Variants in COL4A4 observed in about 807,000 individuals in gnomAD.
The protein encoded by COL4A4 is collagen type IV alpha 4 chain, also known as collagen alpha-4(IV) chain.
A neutral mutation model predicts 192.9 loss-of-function variants in COL4A4; 105 were observed. The ratio of observed to expected loss-of-function variants is 0.54; its 90% CI spans 0.46 to 0.64. COL4A4 has a LOEUF of 0.64. Ranked by LOEUF, COL4A4 falls within the 30% of genes least tolerant of loss-of-function variation. The pLI is 0.00. For missense variants in COL4A4, 1,967 were observed against 2,169.3 expected (o/e 0.91, Z 1.85); for synonymous variants, 762 against 769.9 (o/e 0.99, Z 0.17).
chr2:227,153,904 G>A (rs535309617), intron 1 of COL4A4, among the ~76,000 whole-genome samples: 6 of 152,126 alleles, frequency 3.9e-5, no homozygotes, highest in African/African-American at 7.2e-5. Flanking sequence ...AAAGTCTTAC[G>A]TCAATTTACT....
intron 35 of COL4A4, 21 bp downstream of exon 35, chr2:227,047,454 A>G (rs528115848): frequency 1.3e-4 from 215 of 1,594,516 alleles, no homozygotes; most frequent in Non-Finnish European, 1.7e-4. Context: ...TTGTTTTAGT[A>G]AGAAAAATAT....
chr2:227,042,677 T>C (rs1971691733), intron 36 of COL4A4, among the ~76,000 whole-genome samples: 1 of 152,186 alleles, frequency 6.6e-6, no homozygotes, highest in African/African-American at 2.4e-5. Flanking sequence ...TCCCGGCACT[T>C]TGGGAGGCTG....
the COL4A4 span, among the ~76,000 whole-genome samples, chr2:226,992,608 T>TA: frequency 6.6e-6 from 1 of 152,206 alleles, no homozygotes; most frequent in Non-Finnish European, 1.5e-5. Context: ...ACTTTAGAGT[T>TA]ACGTCTTTGA....
At position 227,078,061 on chromosome 2, in the gene COL4A4, G is replaced by C. The variant is rs373916569; in HGVS notation, c.1820C>G (p.Ala607Gly). 1.2e-6 allele frequency: 2 copies of C among 1,613,748 alleles called. No individual in the cohort carries two copies. Among genetic ancestry groups the C allele is most frequent in the South Asian group, 1.1e-5 (1 of 91,032 alleles). ...DPGPPGDHED[A>G]TPGGKGFPGP... Reference sequence around the variant, plus strand: ...AGGAAATCCTTTACCACCTGGGGTCGCATCTTCATGATCCCCCTGGGAATG... The same window carrying C: ...AGGAAATCCTTTACCACCTGGGGTCCCATCTTCATGATCCCCCTGGGAATG... Residue 607 changes from alanine (A) to glycine (G), a missense_variant, in exon 25 of 48, where the codon GCG becomes GGG. Transcript: ENST00000396625.
In COL4A4 at chr2:227,091,918, G is replaced by A. The variant is rs957163875; in HGVS notation, c.1370-1961C>T. Among the ~76,000 whole-genome samples the A allele has an allele frequency of 7.0e-5, 10 of 143,094 alleles. No homozygotes were observed. The South Asian group carries it at 2.1e-3, about 31-fold the overall frequency. 93.9% of individuals were successfully genotyped at this position (143,094 alleles called of 152,430 possible). ...CAGGAAGAAAAAAGAAAGAAAGAAAGAAAGAAAGAAAAGAAAAGAAAAGAA... is the reference window on the plus strand; with the variant it reads ...CAGGAAGAAAAAAGAAAGAAAGAAAAAAAGAAAGAAAAGAAAAGAAAAGAA... On this transcript the variant is annotated intron_variant, in intron 20 of 47. Transcript: ENST00000396625.
intron 24 of COL4A4, among the ~76,000 whole-genome samples, chr2:227,079,209 G>C (rs530219066): frequency 1.3e-5 from 2 of 152,264 alleles, no homozygotes; most frequent in African/African-American, 4.8e-5. Context: ...CCTTCTACAT[G>C]GCCTGGTCTC....
the COL4A4 span, among the ~76,000 whole-genome samples, chr2:226,986,451 T>A: frequency 6.6e-6 from 1 of 152,090 alleles, no homozygotes; most frequent in African/African-American, 2.4e-5. Context: ...AATTTAAAAT[T>A]ATTCCAAAAT....
At position 227,003,647 on chromosome 2, in the gene COL4A4, C is replaced by T. The variant is rs1176685868; in HGVS notation, c.*3678G>A. On this transcript the variant is annotated 3_prime_UTR_variant, in exon 48 of 48. Transcript: ENST00000396625. Reference sequence around the variant, plus strand: ...TAAAGCCCAATTGTAGTGCACCATTCCATTGACTATTTTTCGGAGCACCAA... The same window carrying T: ...TAAAGCCCAATTGTAGTGCACCATTTCATTGACTATTTTTCGGAGCACCAA... 1 of 152,154 alleles carries T rather than the reference C, an allele frequency of 6.6e-6. No homozygotes were observed. Among genetic ancestry groups the T allele is most frequent in the Non-Finnish European group, 1.5e-5 (1 of 68,040 alleles). The allele number at this position is 152,154 out of a possible 1,614,324, so 9.4% of individuals were successfully genotyped here. A position where few individuals can be genotyped will look rare whatever the true frequency, so the allele number is the denominator to read the frequency against.
At position 227,115,269 on chromosome 2, in the gene COL4A4, C is replaced by CTTT. The variant is rs1187419564; in HGVS notation, c.490-576_490-574dup. On this transcript the variant is annotated intron_variant, in intron 7 of 47. Transcript: ENST00000396625. Reference sequence around the variant, plus strand: ...AATATCTTAATATCCTACTTTAATTCTTTTTTTTTTTTTTTTTTTGAGACA... The same window carrying CTTT: ...AATATCTTAATATCCTACTTTAATTCTTTTTTTTTTTTTTTTTTTTTTGAGACA... Among the ~76,000 whole-genome samples the CTTT allele has an allele frequency of 8.3e-3, 1,027 of 123,926 alleles. 49 individuals carry two copies. Among genetic ancestry groups the CTTT allele is most frequent in the African/African-American group, 0.031 (962 of 30,902 alleles). The allele number at this position is 123,926 out of a possible 152,430, so 81.3% of individuals were successfully genotyped here.
the COL4A4 span, chr2:226,995,688 A>C: frequency 1.6e-6 from 1 of 612,710 alleles, no homozygotes; most frequent in Admixed American, 3.0e-5. Context: ...CCTATGAGTC[A>C]ACTCACAGCT....
intron 19 of COL4A4, 88 bp downstream of exon 19, chr2:227,098,606 A>T (rs377568813): frequency 1.0e-6 from 1 of 987,966 alleles, no homozygotes; most frequent in Non-Finnish European, 1.6e-6. Context: ...GGTGATTCCA[A>T]TATCAGCTAC....
intron 44 of COL4A4, among the ~76,000 whole-genome samples, chr2:227,012,947 G>C (rs780601400): frequency 6.6e-6 from 1 of 152,172 alleles, no homozygotes; most frequent in Non-Finnish European, 1.5e-5. Context: ...AAAAGTCACA[G>C]AGCAGTCACA....
Position 227,007,318 on chromosome 2 carries a change from G to T in COL4A4, c.*7C>A, listed in dbSNP as rs1055456871. ...TCTTGGCCACGTGTTGGTGAATTTC[G>T]CATTCTCTAGCTATACTTCACGCAG... On this transcript the variant is annotated 3_prime_UTR_variant, in exon 48 of 48. Transcript: ENST00000396625. The T allele has an allele frequency of 1.9e-6, 3 of 1,614,218 alleles. No individual in the cohort carries two copies. Among genetic ancestry groups the T allele is most frequent in the Admixed American group, 1.7e-5 (1 of 60,020 alleles).
At chr2:227,130,400 G>A (rs953587402) in intron 4 of COL4A4, among the ~76,000 whole-genome samples, 2 of 152,156 alleles carry the variant, frequency 1.3e-5, no homozygotes, top group South Asian at 2.1e-4. Context: ...CGTCTTCTGC[G>A]GGGCCTAAAC....
chr2:226,984,111 C>T, the COL4A4 span, among the ~76,000 whole-genome samples: 392 of 152,340 alleles, frequency 2.6e-3, 5 homozygotes, highest in African/African-American at 8.8e-3. Context: ...TCTTCTCCAC[C>T]AGAAAGCACA....
intron 4 of COL4A4, among the ~76,000 whole-genome samples, chr2:227,135,447 T>A (rs1267283361): frequency 6.6e-6 from 1 of 152,148 alleles, no homozygotes; most frequent in Admixed American, 6.5e-5. Context: ...CACAAGGGAA[T>A]TTGAACTATG....
At chr2:227,010,575 T>G in intron 45 of COL4A4, 74 bp from the exon 46 acceptor site, 1 of 1,277,242 alleles carries the variant, frequency 7.8e-7, no homozygotes. Flanking sequence ...GCACCTCTGT[T>G]CTGGCACTGT....
intron 37 of COL4A4, among the ~76,000 whole-genome samples, chr2:227,033,894 G>A (rs1968957690): frequency 1.3e-5 from 1 of 78,446 alleles, no homozygotes; most frequent in African/African-American, 8.0e-5. Context: ...CACCCTCCTA[G>A]GGGCTGCAGG....
At chr2:226,983,843 G>A in the COL4A4 span, among the ~76,000 whole-genome samples, 1 of 152,046 alleles carries the variant, frequency 6.6e-6, no homozygotes, top group Non-Finnish European at 1.5e-5. Context: ...CAAGTGGAAG[G>A]GAGTGAGAAA....
Sources: gnomAD v4.1 joint callset for allele counts (sites outside exome capture counted in the v4.1 genomes callset) on GRCh38, gnomAD v4.1.1 for gene constraint, MANE v1.5 for transcripts, NCBI Gene and HGNC (gene_info 2026-07-23, HGNC 2026-07-21) for gene names.